Variants in KHDRBS1 observed in about 807,000 individuals in gnomAD.
KHDRBS1 encodes the protein KH domain-containing, RNA-binding, signal transduction-associated protein 1.
Under a neutral mutation model 48.4 loss-of-function variants are expected in KHDRBS1, and 7 were observed. That is an observed-to-expected ratio of 0.14 (90% CI 0.08 to 0.27). The LOEUF is 0.27. Among genes scored for constraint, KHDRBS1 ranks in the 10% least tolerant of loss-of-function variants. The pLI, the probability that KHDRBS1 is intolerant of heterozygous loss-of-function variation, is 1.00. For synonymous variants in KHDRBS1, 241 were observed against 235.8 expected (o/e 1.02, Z -0.20); for missense variants, 458 against 601.2 (o/e 0.76, Z 2.49).
chr1:32,052,929 G>A (rs76781148), intron 10 of KHDRBS1, among the ~76,000 whole-genome samples: 1,792 of 152,100 alleles, frequency 0.012, 27 homozygotes, highest in African/African-American at 0.041. Flanking sequence ...CAGGAGTATC[G>A]CTAGAGTCCA....
At chr1:32,026,005 C>G (rs1168096142) in intron 1 of KHDRBS1, among the ~76,000 whole-genome samples, 4 of 151,530 alleles carry the variant, frequency 2.6e-5, no homozygotes, top group Non-Finnish European at 1.5e-5. Flanking sequence ...TCTCAAGCTC[C>G]TGGGCTCAAA....
downstream of KHDRBS1, among the ~76,000 whole-genome samples, chr1:32,048,638 C>T (rs1379504695): frequency 6.6e-6 from 1 of 152,134 alleles, no homozygotes; most frequent in Non-Finnish European, 1.5e-5. Context: ...TCTTTTTGGA[C>T]AGACATAACT....
At position 32,037,336 on chromosome 1, in the gene KHDRBS1, C is replaced by T. The variant is rs565126389; in HGVS notation, c.905+293C>T. Reference sequence around the variant, plus strand: ...GTGTGGTGGCATACACCACACTACTCAGGAGGCTGGGGCAAGAGAATTGCT... The same window carrying T: ...GTGTGGTGGCATACACCACACTACTTAGGAGGCTGGGGCAAGAGAATTGCT... On this transcript the variant is annotated intron_variant, in intron 5 of 8. Transcript: ENST00000327300. 2.8e-4 allele frequency among the ~76,000 whole-genome samples: 42 copies of T among 151,848 alleles called. No homozygotes were observed. The South Asian group carries it at 6.0e-3, about 22-fold the overall frequency.
In KHDRBS1 at chr1:32,033,219, A is replaced by C; in HGVS notation, c.656A>C (p.Lys219Thr). The change falls in exon 4 of 9, where the codon AAA (lysine) becomes ACA (threonine). Residue 219 changes from lysine (K) to threonine (T), a missense_variant. By Grantham distance (78) the Lys-to-Thr change is moderately conservative. Transcript: ENST00000327300. ...EEELRKGGDP[K>T]YAHLNMDLHV... ...GAGCTGCGCAAAGGTGGAGACCCCA[A>C]ATATGCCCACTTGAATATGGATCTG... The C allele has an allele frequency of 6.2e-7, 1 of 1,614,046 alleles. No individual in the cohort carries two copies. Among genetic ancestry groups the C allele is most frequent in the Non-Finnish European group, 8.5e-7 (1 of 1,179,952 alleles).
intron 7 of KHDRBS1, among the ~76,000 whole-genome samples, chr1:32,039,123 T>G (rs1280117799): frequency 6.6e-6 from 1 of 152,224 alleles, no homozygotes; most frequent in Non-Finnish European, 1.5e-5. Flanking sequence ...TTTAAGACCA[T>G]TTCCTTGTGT....
intron 10 of KHDRBS1, among the ~76,000 whole-genome samples, chr1:32,055,104 G>T (rs1359467518): frequency 2.0e-5 from 3 of 152,118 alleles, no homozygotes; most frequent in Non-Finnish European, 4.4e-5. Context: ...CCTGGCTTTG[G>T]TGTATAGGAC....
At chr1:32,018,747 A>T (rs548644506) in intron 1 of KHDRBS1, among the ~76,000 whole-genome samples, 51 of 146,550 alleles carry the variant, frequency 3.5e-4, no homozygotes, top group Admixed American at 1.0e-3. Flanking sequence ...ACAGAGTGAG[A>T]CTCCGTCTCA....
At chr1:32,050,696 G>A (rs1265315610) in intron 10 of KHDRBS1, among the ~76,000 whole-genome samples, 1 of 151,688 alleles carries the variant, frequency 6.6e-6, no homozygotes, top group African/African-American at 2.4e-5. Context: ...TTATTTTTTA[G>A]TAGAGGCAAG....
rs1180073783 is a variant in KHDRBS1 at position 32,014,055 on chromosome 1, C to T, written c.60C>T (p.Ser20=). 2 of 1,513,040 alleles carry T rather than the reference C, an allele frequency of 1.3e-6. No individual in the cohort carries two copies. Among genetic ancestry groups the T allele is most frequent in the African/African-American group, 1.4e-5 (1 of 69,574 alleles). 93.7% of individuals were successfully genotyped at this position (1,513,040 alleles called of 1,614,324 possible). A position where few individuals can be genotyped will look rare whatever the true frequency, so the allele number is the denominator to read the frequency against. The change falls in exon 1 of 9, where the codon TCC becomes TCT. Residue 20 remains serine (S), a synonymous_variant. Coordinates refer to ENST00000327300, the MANE Select transcript of KHDRBS1 (RefSeq NM_006559.3). ...RMSRSSGRSG[S]MDPSGAHPSV... is the part of the protein sequence containing the mutation. ...GCCGGTCTTCGGGCCGTAGCGGCTC[C>T]ATGGACCCCTCCGGTGCCCACCCCT...
At chr1:32,049,639 G>A (rs189660604) in intron 10 of KHDRBS1, among the ~76,000 whole-genome samples, 2 of 151,630 alleles carry the variant, frequency 1.3e-5, no homozygotes, top group African/African-American at 4.8e-5. Context: ...GGGTCATACG[G>A]TGACTCTGTT....
chr1:32,023,502 A>G (rs1048814122), intron 1 of KHDRBS1, among the ~76,000 whole-genome samples: 1 of 152,228 alleles, frequency 6.6e-6, no homozygotes, highest in Non-Finnish European at 1.5e-5. Flanking sequence ...AGTGGCTGGG[A>G]AACAAATGGG....
chr1:32,059,165 G>GAA (rs1163066227), intron 10 of KHDRBS1, among the ~76,000 whole-genome samples: 1,573 of 44,778 alleles, frequency 0.035, 79 homozygotes, highest in African/African-American at 0.096. Flanking sequence ...TGTCTCAGGA[G>GAA]AAAAAAAAAA....
intron 1 of KHDRBS1, among the ~76,000 whole-genome samples, 195 bp from the exon 2 acceptor site, chr1:32,030,103 T>G (rs554446829): frequency 6.6e-6 from 1 of 152,330 alleles, no homozygotes; most frequent in Non-Finnish European, 1.5e-5. Context: ...TACACTTCTT[T>G]TATTAGAAGC....
At chr1:32,021,408 AAAAT>A (rs1185635231) in intron 1 of KHDRBS1, among the ~76,000 whole-genome samples, 2 of 152,194 alleles carry the variant, frequency 1.3e-5, no homozygotes, top group African/African-American at 4.8e-5. Context: ...GATTCCAAAA[AAAAT>A]AAAGAACCTA....
chr1:32,040,674 G>T (rs1460336247), intron 8 of KHDRBS1, among the ~76,000 whole-genome samples: 1 of 152,222 alleles, frequency 6.6e-6, no homozygotes, highest in Non-Finnish European at 1.5e-5. Flanking sequence ...ATACTATGTG[G>T]CAGTGGATGC....
At chr1:32,030,925 T>C (rs1191311191) in intron 2 of KHDRBS1, among the ~76,000 whole-genome samples, 1 of 152,096 alleles carries the variant, frequency 6.6e-6, no homozygotes, top group African/African-American at 2.4e-5. Context: ...TCTTCTGTTC[T>C]GAGGTCACTG....
chr1:32,023,570 A>G (rs554052133), intron 1 of KHDRBS1, among the ~76,000 whole-genome samples: 5 of 152,350 alleles, frequency 3.3e-5, no homozygotes, highest in African/African-American at 7.2e-5. Context: ...GGGATATCCA[A>G]GGTCTCCAGA....
rs370513768 is a variant in KHDRBS1 at position 32,038,341 on chromosome 1, A to G, written c.1108-211A>G. On this transcript the variant is annotated intron_variant, in intron 6 of 8. Transcript: ENST00000327300. ...ATTTTGTACTTTACTTCCTGCCCAC[A>G]CTTCTTCTGTGGCATATCATATTTG... is the stretch of plus-strand genomic sequence containing the variant. 7.6e-4 allele frequency among the ~76,000 whole-genome samples: 116 copies of G among 152,186 alleles called. 1 individual carries two copies. In the Middle Eastern group the frequency reaches 0.014, roughly 18 times the overall value.
downstream of KHDRBS1, among the ~76,000 whole-genome samples, chr1:32,047,712 C>G (rs983281740): frequency 1.3e-5 from 2 of 152,128 alleles, no homozygotes; most frequent in East Asian, 1.9e-4. Context: ...AGGAAAAATT[C>G]ACATAGCATA....
Sources: allele counts gnomAD v4.1 joint callset (sites outside exome capture counted in the v4.1 genomes callset), GRCh38; gene constraint gnomAD v4.1.1; transcripts MANE v1.5; gene names NCBI Gene and HGNC (gene_info 2026-07-23, HGNC 2026-07-21).